MICAL2: variants seen among roughly 807,000 people sequenced by gnomAD.
The protein encoded by MICAL2 is [F-actin]-monooxygenase MICAL2.
MICAL2 carries 77 observed loss-of-function variants against 127.3 expected under a neutral mutation model. That is an observed-to-expected ratio of 0.60 (90% CI 0.50 to 0.73). MICAL2 has a LOEUF of 0.73. MICAL2 is among the 30% of genes least tolerant of loss of function. The pLI, the probability that MICAL2 is intolerant of heterozygous loss-of-function variation, is 0.00. For synonymous variants in MICAL2, 570 were observed against 551.1 expected (o/e 1.03, Z -0.48); for missense variants, 1,351 against 1,434.4 (o/e 0.94, Z 0.94).
rs11403732 is a variant in MICAL2, at chr11:12,180,349, A to ATATATATATAT, written c.264+17931_264+17932insATATATATATT. Among the ~76,000 whole-genome samples the ATATATATATAT allele has an allele frequency of 2.7e-4, 38 of 139,712 alleles. 1 individual carries two copies. The highest frequency in any genetic ancestry group is 9.3e-4 in the African/African-American group (35 of 37,654). The allele number at this position is 139,712 out of a possible 152,430, so 91.7% of individuals were successfully genotyped here. Reference sequence around the variant, plus strand: ...TTTATATACATGTATATATGTATATATTTTTTTTTTGGCAGGAAGGTTTCC... The same window carrying ATATATATATAT: ...TTTATATACATGTATATATGTATATATATATATATATTTTTTTTTTTGGCAGGAAGGTTTCC... On this transcript the variant is annotated intron_variant, in intron 3 of 27. Coordinates refer to ENST00000683283, the MANE Select transcript of MICAL2 (RefSeq NM_001282663.2).
intron 32 of MICAL2, among the ~76,000 whole-genome samples, chr11:12,333,513 T>G (rs994123151): frequency 4.6e-5 from 7 of 152,178 alleles, no homozygotes; most frequent in African/African-American, 1.2e-4. Flanking sequence ...TTTAACTTTG[T>G]GCAGGAGATC....
intron 3 of MICAL2, among the ~76,000 whole-genome samples, chr11:12,184,083 G>C (rs1857847654): frequency 6.6e-6 from 1 of 152,194 alleles, no homozygotes; most frequent in Admixed American, 6.5e-5. Context: ...TCGGATCTTG[G>C]CTGTGTGACC....
At chr11:12,347,473 G>A (rs1025038045) in intron 32 of MICAL2, among the ~76,000 whole-genome samples, 3 of 152,156 alleles carry the variant, frequency 2.0e-5, no homozygotes, top group Non-Finnish European at 2.9e-5. Context: ...CATAGGAGGT[G>A]TCTGATAGAT....
At chr11:12,357,666 G>A (rs532879386) in intron 34 of MICAL2, among the ~76,000 whole-genome samples, 79 of 152,032 alleles carry the variant, frequency 5.2e-4, no homozygotes, top group South Asian at 3.5e-3. Context: ...GTGAAACCCC[G>A]TCTCTACTAA....
intron 7 of MICAL2, among the ~76,000 whole-genome samples, chr11:12,214,926 C>T (rs187090513): frequency 2.6e-4 from 39 of 152,292 alleles, no homozygotes; most frequent in African/African-American, 9.4e-4. Flanking sequence ...ATTTCTTTAA[C>T]ATCATTTCCT....
intron 17 of MICAL2, among the ~76,000 whole-genome samples, chr11:12,240,736 G>T (rs1258295100): frequency 6.6e-6 from 1 of 152,174 alleles, no homozygotes; most frequent in African/African-American, 2.4e-5. Flanking sequence ...CCCTGGCCTG[G>T]CATGGGCTCT....
chr11:12,318,102 A>G lies in MICAL2; in HGVS notation c.5213-1594A>G, dbSNP rs193247962. Among the ~76,000 whole-genome samples, 4 of 152,332 alleles carry G rather than the reference A, an allele frequency of 2.6e-5. No homozygotes were observed. In the East Asian group the frequency reaches 7.7e-4, roughly 29 times the overall value. On this transcript the variant is annotated intron_variant, in intron 29 of 34. Coordinates refer to the MICAL2 transcript ENST00000646065. ...CGTGGTTCCTGCTGCTCTTGCTGCT[A>G]CCAACAATAAGAACATTTACTCAGG...
At chr11:12,151,280 A>T (rs1347289646) in intron 2 of MICAL2, among the ~76,000 whole-genome samples, 1 of 152,194 alleles carries the variant, frequency 6.6e-6, no homozygotes, top group African/African-American at 2.4e-5. Flanking sequence ...GGGGTCAGGC[A>T]ACTTTTGCAG....
rs145245136 is a variant in MICAL2, at chr11:12,259,446, G to T, written c.3232-349G>T. Among the ~76,000 whole-genome samples the T allele has an allele frequency of 3.2e-3, 487 of 152,258 alleles. 3 individuals are homozygous for T. Among genetic ancestry groups the T allele is most frequent in the African/African-American group, 8.5e-3 (354 of 41,538 alleles). ...TTACTTCACCACTTCTGTATTACTG[G>T]ATCTTTACGTCGTTGGAATTTTTTA... On this transcript the variant is annotated intron_variant, in intron 25 of 27. Transcript: ENST00000683283.
chr11:12,242,769 G>A lies in MICAL2; in HGVS notation c.2655G>A (p.Pro885=), dbSNP rs746293879. Residue 885 remains proline (P), a synonymous_variant, in exon 20 of 28, where the codon CCG becomes CCA. Transcript: ENST00000683283. Reference sequence around the variant, plus strand: ...CCATGTTTGGACACGGGGATTTCCCGCAGGTAAACATGGGGCTTTCAGAGC... The same window carrying A: ...CCATGTTTGGACACGGGGATTTCCCACAGGTAAACATGGGGCTTTCAGAGC... ...LASMFGHGDF[P]QNKLLSKGLS... The A allele has an allele frequency of 2.2e-5, 35 of 1,604,586 alleles. No individual in the cohort carries two copies. The highest frequency in any genetic ancestry group is 1.7e-4 in the Middle Eastern group (1 of 6,014).
chr11:12,307,050 G>C (rs1040033018), intron 29 of MICAL2, among the ~76,000 whole-genome samples: 3 of 152,186 alleles, frequency 2.0e-5, no homozygotes, highest in African/African-American at 7.2e-5. Context: ...ATTTTCCAAA[G>C]TGACATGCCA....
rs1850140578 is a variant in MICAL2, at chr11:12,117,562, G to A, written c.-149+6836G>A. Among the ~76,000 whole-genome samples, 5 of 152,344 alleles carry A rather than the reference G, an allele frequency of 3.3e-5. No homozygotes were observed. In the South Asian group the frequency reaches 1.0e-3, roughly 32 times the overall value. The stretch of plus-strand genomic sequence containing the variant: ...TGTGTTGGAGCCAGGATAATGAGGT[G>A]TAGGGGAGACTGAAGAAGCAGCTCT... On this transcript the variant is annotated intron_variant, in intron 1 of 27. Transcript: ENST00000683283.
At chr11:12,196,090 A>G (rs1410485657) in intron 3 of MICAL2, 2 of 153,506 alleles carry the variant, frequency 1.3e-5, no homozygotes, top group African/African-American at 4.8e-5. Flanking sequence ...TTCAAAGGAG[A>G]GATGGCCATG....
intron 33 of MICAL2, chr11:12,349,975 G>T: frequency 6.5e-7 from 1 of 1,541,564 alleles, no homozygotes; most frequent in Non-Finnish European, 9.0e-7. Context: ...AGTCCTAAAA[G>T]CAAAGGGGCA....
intron 17 of MICAL2, 43 bp downstream of exon 17, chr11:12,239,628 C>G: frequency 6.3e-7 from 1 of 1,597,768 alleles, no homozygotes; most frequent in Non-Finnish European, 8.5e-7. Flanking sequence ...TTCCTGGTGA[C>G]TTTTCAGCAG....
chr11:12,127,690 G>T (rs951985513), intron 1 of MICAL2, among the ~76,000 whole-genome samples: 1 of 152,238 alleles, frequency 6.6e-6, no homozygotes, highest in Non-Finnish European at 1.5e-5. Flanking sequence ...TCTTCGACCT[G>T]TTGGGGGTCT....
intron 32 of MICAL2, among the ~76,000 whole-genome samples, chr11:12,327,651 G>C (rs186760906): frequency 1.1e-3 from 164 of 151,858 alleles, no homozygotes; most frequent in African/African-American, 3.7e-3. Context: ...AAAACTCAGA[G>C]TGAGAGTCAA....
At chr11:12,175,634 A>C (rs1856758180) in intron 3 of MICAL2, among the ~76,000 whole-genome samples, 1 of 151,888 alleles carries the variant, frequency 6.6e-6, no homozygotes, top group South Asian at 2.1e-4. Flanking sequence ...CCTAGGTAGA[A>C]GATACAGCAG....
At chr11:12,204,605 C>G in intron 4 of MICAL2, 148 bp downstream of exon 4, 1 of 762,960 alleles carries the variant, frequency 1.3e-6, no homozygotes, top group Non-Finnish European at 2.1e-6. Flanking sequence ...AGTAAAAGGC[C>G]TGCTTTGTGC....
Sources: gnomAD v4.1 joint callset for allele counts (sites outside exome capture counted in the v4.1 genomes callset) on GRCh38, gnomAD v4.1.1 for gene constraint, MANE v1.5 for transcripts, NCBI Gene and HGNC (gene_info 2026-07-23, HGNC 2026-07-21) for gene names.